IGSF21: variants seen among roughly 807,000 people sequenced by gnomAD.
IGSF21 encodes immunoglobulin superfamily member 21.
IGSF21 carries 28 observed loss-of-function variants against 46.8 expected under a neutral mutation model. The observed-to-expected ratio is 0.60, with a 90% CI of 0.44 to 0.82. The LOEUF is 0.82. Among genes scored for constraint, IGSF21 ranks in the 40% least tolerant of loss-of-function variants. The pLI is 0.00. For synonymous variants in IGSF21, 284 were observed against 273.6 expected, an observed-to-expected ratio of 1.04 and a Z score of -0.38; for missense variants, 624 against 665.5, an observed-to-expected ratio of 0.94 and a Z score of 0.69.
intron 2 of IGSF21, among the ~76,000 whole-genome samples, chr1:18,262,400 C>T (rs1009687273): frequency 6.6e-6 from 1 of 152,094 alleles, no homozygotes; most frequent in Non-Finnish European, 1.5e-5. Flanking sequence ...TCAGAGGGTC[C>T]GGCTTTGAAT....
intron 2 of IGSF21, among the ~76,000 whole-genome samples, chr1:18,259,481 A>G (rs1483837671): frequency 6.6e-6 from 1 of 152,200 alleles, no homozygotes. Context: ...GAAAAAGGCC[A>G]CTGGGTTTGG....
chr1:18,125,589 A>G (rs997495959), intron 1 of IGSF21, among the ~76,000 whole-genome samples: 4 of 152,174 alleles, frequency 2.6e-5, no homozygotes, highest in Non-Finnish European at 5.9e-5. Context: ...TAGTGCATCT[A>G]TTGATTCATT....
At chr1:18,362,509 A>G (rs1381911170) in intron 5 of IGSF21, among the ~76,000 whole-genome samples, 1 of 152,206 alleles carries the variant, frequency 6.6e-6, no homozygotes, top group Non-Finnish European at 1.5e-5. Flanking sequence ...CGGGGAGCCC[A>G]AGACCCAGCA....
intron 8 of IGSF21, 91 bp from the exon 9 acceptor site, chr1:18,377,302 C>A: frequency 1.7e-6 from 2 of 1,144,392 alleles, no homozygotes; most frequent in Non-Finnish European, 2.7e-6. Context: ...GCGTGTGATA[C>A]CTCACAGCAG....
intron 6 of IGSF21, among the ~76,000 whole-genome samples, chr1:18,369,193 C>T (rs1019557989): frequency 1.3e-5 from 2 of 152,294 alleles, no homozygotes; most frequent in South Asian, 2.1e-4. Flanking sequence ...GGGCTGACTT[C>T]CTAGCCTCCC....
chr1:18,310,379 C>G (rs1405218109), intron 3 of IGSF21, among the ~76,000 whole-genome samples: 2 of 152,120 alleles, frequency 1.3e-5, no homozygotes, highest in Admixed American at 1.3e-4. Flanking sequence ...CTAATTTAGA[C>G]TATTAGAATG....
chr1:18,117,745 G>C (rs2086199901), intron 1 of IGSF21, among the ~76,000 whole-genome samples: 1 of 152,204 alleles, frequency 6.6e-6, no homozygotes, highest in African/African-American at 2.4e-5. Context: ...ATGCATGGCA[G>C]GTTTCCCCAT....
chr1:18,252,959 C>T (rs1035087243), intron 2 of IGSF21, among the ~76,000 whole-genome samples: 4 of 152,258 alleles, frequency 2.6e-5, no homozygotes, highest in Admixed American at 2.6e-4. Context: ...AGCTTGATAC[C>T]TAGAAGATCC....
At chr1:18,301,403 G>A (rs778730169) in intron 3 of IGSF21, among the ~76,000 whole-genome samples, 4 of 152,152 alleles carry the variant, frequency 2.6e-5, no homozygotes, top group African/African-American at 4.8e-5. Flanking sequence ...GCACTGGCAC[G>A]ATCTCAGCTC....
chr1:18,362,435 A>G (rs1407562953), intron 5 of IGSF21, among the ~76,000 whole-genome samples: 1 of 152,152 alleles, frequency 6.6e-6, no homozygotes, highest in East Asian at 1.9e-4. Context: ...CCATCTCCCC[A>G]TGCTGAGAAC....
At chr1:18,360,787 A>G (rs1396402125) in intron 4 of IGSF21, among the ~76,000 whole-genome samples, 1 of 152,188 alleles carries the variant, frequency 6.6e-6, no homozygotes, top group East Asian at 1.9e-4. Context: ...GCATTTTCAT[A>G]TGCATTAGCT....
intron 1 of IGSF21, among the ~76,000 whole-genome samples, chr1:18,132,825 C>T (rs924462026): frequency 6.6e-6 from 1 of 150,654 alleles, no homozygotes; most frequent in Non-Finnish European, 1.5e-5. Flanking sequence ...CCTTAAGCAT[C>T]TGGCAAGCCT....
chr1:18,292,912 G>A (rs760621238), intron 3 of IGSF21, among the ~76,000 whole-genome samples: 2 of 152,160 alleles, frequency 1.3e-5, no homozygotes, highest in Non-Finnish European at 2.9e-5. Context: ...ACGCCACACC[G>A]CCAAATGCTT....
chr1:18,370,416 C>A (rs1057178062), intron 6 of IGSF21, among the ~76,000 whole-genome samples: 2 of 152,124 alleles, frequency 1.3e-5, no homozygotes, highest in Non-Finnish European at 2.9e-5. Flanking sequence ...AAAAATTAAA[C>A]CTGGACCCCT....
intron 4 of IGSF21, among the ~76,000 whole-genome samples, chr1:18,348,758 C>T (rs1404987618): frequency 2.0e-5 from 3 of 152,174 alleles, no homozygotes; most frequent in Non-Finnish European, 2.9e-5. Flanking sequence ...ATCCTACTGC[C>T]TCAGGTACAG....
chr1:18,233,040 C>T (rs1010844455), intron 2 of IGSF21, among the ~76,000 whole-genome samples: 3 of 152,224 alleles, frequency 2.0e-5, no homozygotes, highest in African/African-American at 7.2e-5. Flanking sequence ...TATCATGGAA[C>T]TCCATTAAAC....
chr1:18,219,546 C>T (rs1190832023), intron 1 of IGSF21, among the ~76,000 whole-genome samples: 6 of 152,028 alleles, frequency 3.9e-5, no homozygotes, highest in Non-Finnish European at 8.8e-5. Context: ...GAGATAGCAG[C>T]GGAGGGGTGA....
chr1:18,253,107 A>G (rs747007042), intron 2 of IGSF21, among the ~76,000 whole-genome samples: 1 of 151,832 alleles, frequency 6.6e-6, no homozygotes, highest in Non-Finnish European at 1.5e-5. Context: ...TTAGGAACTC[A>G]CTCTACCATA....
chr1:18,296,031 T>A (rs962245640), intron 3 of IGSF21, among the ~76,000 whole-genome samples: 5 of 152,120 alleles, frequency 3.3e-5, no homozygotes, highest in African/African-American at 1.2e-4. Flanking sequence ...TTGGGGGTGT[T>A]TCCTAATAGG....
Sources: gnomAD v4.1 joint callset for allele counts (sites outside exome capture counted in the v4.1 genomes callset) on GRCh38, gnomAD v4.1.1 for gene constraint, MANE v1.5 for transcripts, NCBI Gene and HGNC (gene_info 2026-07-23, HGNC 2026-07-21) for gene names.